Variants in ATM observed in about 807,000 individuals in gnomAD.
ATM encodes ATM serine/threonine kinase.
A neutral mutation model predicts 387.0 loss-of-function variants in ATM; 308 were observed. That is an observed-to-expected ratio of 0.80 (90% CI 0.73 to 0.87). ATM has a LOEUF of 0.87. ATM is among the 40% of genes least tolerant of loss of function. The pLI, the probability that ATM is intolerant of heterozygous loss-of-function variation, is 0.00. For synonymous variants in ATM, 1,156 were observed against 1,187.3 expected, an observed-to-expected ratio of 0.97 and a Z score of 0.54; for missense variants, 3,312 against 3,560.9, an observed-to-expected ratio of 0.93 and a Z score of 1.78.
rs2082367086 is a variant in ATM, at chr11:108,284,163, A to ATT, written c.3747-61_3747-60dup. 6 of 1,295,784 alleles carry ATT rather than the reference A, an allele frequency of 4.6e-6. No homozygotes were observed. The Admixed American group carries it at 1.3e-4, about 29-fold the overall frequency. 80.3% of individuals were successfully genotyped at this position (1,295,784 alleles called of 1,614,324 possible). A position where few individuals can be genotyped will look rare whatever the true frequency, so the allele number is the denominator to read the frequency against. Reference sequence around the variant, plus strand: ...GGTATTAAAACAGTTTTTAAGAACTATTTTATAAAATTTTACTTGGAAAAG... The same window carrying ATT: ...GGTATTAAAACAGTTTTTAAGAACTATTTTTTATAAAATTTTACTTGGAAAAG... On this transcript the variant is annotated intron_variant, in intron 25 of 62. Transcript: ENST00000675843.
Position 108,271,320 on chromosome 11 carries a change from A to G in ATM, c.2991A>G (p.Val997=), listed in dbSNP as rs1203368496. ...CKTILNHVLH[V]VKNLGQSNMD... is the part of the protein sequence containing the mutation. ...CTATTTTAAACCATGTCCTTCATGT[A>G]GTGAAAAACCTAGGTCAAAGCAATA... The change falls in exon 20 of 63, where the codon GTA becomes GTG. Residue 997 remains valine (V), a synonymous_variant. Coordinates refer to ENST00000675843, the MANE Select transcript of ATM (RefSeq NM_000051.4). 1 of 1,613,754 alleles carries G rather than the reference A, an allele frequency of 6.2e-7. No individual in the cohort carries two copies. The highest frequency in any genetic ancestry group is 8.5e-7 in the Non-Finnish European group (1 of 1,179,960).
rs540204119 is a variant in ATM at position 108,223,070 on chromosome 11, T to C, written c.-147T>C. 4 of 191,038 alleles carry C rather than the reference T, an allele frequency of 2.1e-5. No homozygotes were observed. In the South Asian group the frequency reaches 3.2e-4, roughly 15 times the overall value. The allele number at this position is 191,038 out of a possible 1,614,324, so 11.8% of individuals were successfully genotyped here. A position where few individuals can be genotyped will look rare whatever the true frequency, so the allele number is the denominator to read the frequency against. ...GGTTTGAACCGGAAGCGGGAGTAGG[T>C]AGCTGCGTGGCTAACGGAGAAAAGA... On this transcript the variant is annotated 5_prime_UTR_variant, in exon 1 of 63. Transcript: ENST00000675843.
intron 56 of ATM, among the ~76,000 whole-genome samples, chr11:108,337,106 C>A (rs1289365416): frequency 6.6e-6 from 1 of 152,134 alleles, no homozygotes; most frequent in African/African-American, 2.4e-5. Context: ...TAAATTAGAT[C>A]TACCCTCCAA....
intron 16 of ATM, among the ~76,000 whole-genome samples, chr11:108,266,586 GTAAC>G (rs1330362529): frequency 2.0e-5 from 3 of 151,740 alleles, no homozygotes; most frequent in African/African-American, 7.3e-5. Flanking sequence ...GTATACATAT[GTAAC>G]TAACCTGCAC....
chr11:108,294,046 G>T (rs562064395), intron 31 of ATM, among the ~76,000 whole-genome samples: 2 of 151,432 alleles, frequency 1.3e-5, no homozygotes, highest in South Asian at 4.2e-4. Context: ...AAACTTCCTG[G>T]TAAAGATCCA....
intron 33 of ATM, 22 bp downstream of exon 33, chr11:108,297,404 C>A: frequency 1.3e-6 from 2 of 1,567,304 alleles, no homozygotes; most frequent in Non-Finnish European, 1.8e-6. Flanking sequence ...TCATGCGCTG[C>A]GTGACATTTC....
chr11:108,266,929 G>A (rs1401405125), intron 16 of ATM, among the ~76,000 whole-genome samples: 1 of 151,658 alleles, frequency 6.6e-6, no homozygotes, highest in African/African-American at 2.4e-5. Flanking sequence ...CTGAGTAGCT[G>A]GGATTACAGG....
Position 108,257,434 on chromosome 11 carries a change from A to G in ATM, c.2251-47A>G, listed in dbSNP as rs776250060. 8.1e-6 allele frequency: 13 copies of G among 1,601,492 alleles called. No homozygotes were observed. In the South Asian group the frequency reaches 1.4e-4, roughly 18 times the overall value. ...AGTACACTGTAAAAAGCAATACTAA[A>G]CTATAATTTTAACTGGAATTTGCAT... On this transcript the variant is annotated intron_variant, in intron 14 of 62. Coordinates refer to ENST00000675843, the MANE Select transcript of ATM (RefSeq NM_000051.4).
chr11:108,259,051 C>A lies in ATM; in HGVS notation c.2442C>A (p.Asp814Glu), dbSNP rs3218695. The A allele has an allele frequency of 1.4e-3, 2,209 of 1,613,514 alleles. 28 individuals carry two copies. In the African/African-American group the frequency reaches 0.024, roughly 17 times the overall value. The change falls in exon 16 of 63, where the codon GAC becomes GAA. Residue 814 changes from aspartate (D) to glutamate (E), a missense_variant. Transcript: ENST00000675843. ...TGTTAACATCAAAGCTAATGAATGA[C>A]ATTGCAGATATTTGTAAAAGTTTAG... ...LRLLTSKLMN[D>E]IADICKSLAS...
rs779946941 is a variant in ATM, at chr11:108,281,106, G to C, written c.3514G>C (p.Ala1172Pro). 2.5e-6 allele frequency: 4 copies of C among 1,613,824 alleles called. No homozygotes were observed. The African/African-American group carries it at 5.3e-5, about 22-fold the overall frequency. The change falls in exon 24 of 63, where the codon GCT becomes CCT. Residue 1172 changes from alanine to proline, a missense_variant. Transcript: ENST00000675843. ...CTGTAGCCCTATCTGCGAAAAACAG[G>C]CTTTGTTTGCCCTGTGTAAATCTGT... The part of the protein sequence containing the change: ...LSCSPICEKQ[A>P]LFALCKSVKE...
intron 6 of ATM, 90 bp downstream of exon 6, chr11:108,244,208 C>G: frequency 6.9e-7 from 1 of 1,447,576 alleles, no homozygotes; most frequent in East Asian, 2.3e-5. Flanking sequence ...AAAATTCTAC[C>G]TTAAAATAAA....
At chr11:108,229,366 A>C (rs1378724393) in intron 4 of ATM, 43 bp downstream of exon 4, 2 of 1,525,246 alleles carry the variant, frequency 1.3e-6, no homozygotes, top group Non-Finnish European at 1.8e-6. Context: ...TTAACAGATT[A>C]CTGTCGCGTG....
intron 16 of ATM, among the ~76,000 whole-genome samples, chr11:108,259,798 A>G (rs568482483): frequency 3.9e-5 from 6 of 152,278 alleles, no homozygotes; most frequent in Admixed American, 3.3e-4. Flanking sequence ...TGCCACATAC[A>G]TTCTTTTTTC....
intron 61 of ATM, chr11:108,355,947 G>T (rs1181462780): frequency 1.3e-5 from 2 of 152,192 alleles, no homozygotes; most frequent in Non-Finnish European, 1.5e-5. Flanking sequence ...TGGTAATACA[G>T]ATTTTGCTAC....
intron 1 of ATM, chr11:108,226,934 C>A (rs1242838437): frequency 3.3e-5 from 5 of 152,066 alleles, no homozygotes; most frequent in African/African-American, 1.2e-4. Context: ...TCCTTATTTA[C>A]CTGGCTGTTT....
chr11:108,244,683 T>C, intron 6 of ATM, 105 bp from the exon 7 acceptor site: 1 of 906,400 alleles, frequency 1.1e-6, no homozygotes, highest in Non-Finnish European at 1.8e-6. Flanking sequence ...GTTTGAAAAT[T>C]AGGGTTTTGT....
intron 16 of ATM, among the ~76,000 whole-genome samples, chr11:108,261,103 C>T (rs1385619217): frequency 1.3e-5 from 2 of 150,860 alleles, no homozygotes; most frequent in African/African-American, 4.9e-5. Context: ...GTAAACAAAG[C>T]AGCCGGGAAG....
chr11:108,331,287 A>G, intron 50 of ATM, 157 bp from the exon 51 acceptor site: 1 of 1,389,890 alleles, frequency 7.2e-7, no homozygotes. Context: ...AGACCTTCAG[A>G]TAAGAAAAGA....
chr11:108,331,828 G>T (rs745704195), intron 51 of ATM, 51 bp from the exon 52 acceptor site: 1 of 1,575,406 alleles, frequency 6.3e-7, no homozygotes, highest in Non-Finnish European at 8.7e-7. Context: ...GAAAAATATG[G>T]ATTATATTTT....
Sources: allele counts gnomAD v4.1 joint callset (sites outside exome capture counted in the v4.1 genomes callset), GRCh38; gene constraint gnomAD v4.1.1; transcripts MANE v1.5; gene names NCBI Gene and HGNC (gene_info 2026-07-23, HGNC 2026-07-21).